NALCN: variants seen among roughly 807,000 people sequenced by gnomAD.
The protein encoded by NALCN is sodium leak channel, non-selective.
Under a neutral mutation model 225.3 loss-of-function variants are expected in NALCN, and 111 were observed. The ratio of observed to expected loss-of-function variants is 0.49; its 90% CI spans 0.42 to 0.58. The LOEUF is 0.58. Ranked by LOEUF, NALCN falls within the 20% of genes least tolerant of loss-of-function variation. NALCN has a pLI of 0.00. For missense variants in NALCN, 1,378 were observed against 2,202.4 expected (o/e 0.63, Z 7.49); for synonymous variants, 764 against 769.0 (o/e 0.99, Z 0.11).
intron 7 of NALCN, among the ~76,000 whole-genome samples, chr13:101,340,518 T>C (rs1263359471): frequency 1.3e-5 from 2 of 152,236 alleles, no homozygotes; most frequent in African/African-American, 4.8e-5. Context: ...TGTTCTACGC[T>C]ACACGTACTC....
At chr13:101,201,931 T>C (rs999581933) in intron 13 of NALCN, among the ~76,000 whole-genome samples, 14 of 152,202 alleles carry the variant, frequency 9.2e-5, no homozygotes, top group Admixed American at 5.9e-4. Flanking sequence ...TATATCTTAC[T>C]ATAAGACAGC....
chr13:101,302,041 A>C (rs1227222957), intron 7 of NALCN, among the ~76,000 whole-genome samples: 1 of 152,206 alleles, frequency 6.6e-6, no homozygotes, highest in East Asian at 1.9e-4. Flanking sequence ...GATTTATTGG[A>C]AGGAAATCTT....
intron 17 of NALCN, 71 bp downstream of exon 17, chr13:101,143,009 G>T (rs750111740): frequency 2.5e-6 from 4 of 1,575,786 alleles, no homozygotes; most frequent in Non-Finnish European, 3.5e-6. Flanking sequence ...GGACCCTAAA[G>T]AACTCTGCGG....
intron 2 of NALCN, among the ~76,000 whole-genome samples, chr13:101,395,886 T>C (rs2047277695): frequency 6.6e-6 from 1 of 152,186 alleles, no homozygotes; most frequent in South Asian, 2.1e-4. Context: ...TAAGAAATGC[T>C]TTTTAAATGA....
At chr13:101,142,735 A>G (rs1399620370) in intron 17 of NALCN, 1 of 308,962 alleles carries the variant, frequency 3.2e-6, no homozygotes, top group East Asian at 7.9e-5. Context: ...AGACATAAGC[A>G]GTTGTACTTG....
intron 14 of NALCN, among the ~76,000 whole-genome samples, chr13:101,189,844 A>G (rs1192351393): frequency 6.6e-6 from 1 of 152,206 alleles, no homozygotes; most frequent in African/African-American, 2.4e-5. Flanking sequence ...TTAAATCAGT[A>G]AGTGGAAAGA....
intron 6 of NALCN, among the ~76,000 whole-genome samples, chr13:101,352,401 A>T (rs979807658): frequency 2.0e-5 from 3 of 152,298 alleles, no homozygotes; most frequent in African/African-American, 7.2e-5. Flanking sequence ...AATAAATAGC[A>T]TAACATTCTG....
chr13:101,301,278 C>T (rs944461834), intron 7 of NALCN, among the ~76,000 whole-genome samples: 1 of 152,208 alleles, frequency 6.6e-6, no homozygotes, highest in African/African-American at 2.4e-5. Flanking sequence ...GCCCCCTGCG[C>T]TCGGCAATTT....
intron 10 of NALCN, among the ~76,000 whole-genome samples, chr13:101,274,326 T>C (rs1246712363): frequency 6.6e-6 from 1 of 152,214 alleles, no homozygotes; most frequent in Non-Finnish European, 1.5e-5. Context: ...ATTTTCACAG[T>C]AGGGTAATAC....
At chr13:101,073,216 G>A (rs2033018429) in intron 37 of NALCN, among the ~76,000 whole-genome samples, 1 of 152,110 alleles carries the variant, frequency 6.6e-6, no homozygotes, top group African/African-American at 2.4e-5. Context: ...CCTTGGAGTT[G>A]TTGAAGACCT....
At chr13:101,067,841 G>A in intron 39 of NALCN, 77 bp downstream of exon 39, 1 of 1,028,608 alleles carries the variant, frequency 9.7e-7, no homozygotes, top group Non-Finnish European at 1.5e-6. Flanking sequence ...TTGCCAACCT[G>A]AAAACCATTT....
At chr13:101,159,419 C>T (rs115429099) in intron 15 of NALCN, among the ~76,000 whole-genome samples, 93 of 152,264 alleles carry the variant, frequency 6.1e-4, no homozygotes, top group East Asian at 1.9e-3. Flanking sequence ...TCGCCCCCTC[C>T]GGGTGGTTAC....
chr13:101,354,795 G>A (rs2046001976), intron 6 of NALCN, among the ~76,000 whole-genome samples: 1 of 152,208 alleles, frequency 6.6e-6, no homozygotes, highest in Non-Finnish European at 1.5e-5. Flanking sequence ...GCTGGAGAGA[G>A]GCAATTTTTT....
intron 14 of NALCN, among the ~76,000 whole-genome samples, chr13:101,185,485 T>TGGG (rs1314210688): frequency 2.0e-5 from 3 of 152,184 alleles, no homozygotes. Flanking sequence ...TCTTTCAACT[T>TGGG]GTTAGGTCTT....
At chr13:101,100,607 C>T (rs1246381780) in intron 27 of NALCN, among the ~76,000 whole-genome samples, 177 bp downstream of exon 27, 1 of 152,122 alleles carries the variant, frequency 6.6e-6, no homozygotes, top group African/African-American at 2.4e-5. Context: ...AGGGACAGGG[C>T]TCTCGCTCTG....
rs189888060 is a variant in NALCN, at chr13:101,314,799, C to A, written c.800-22433G>T. 3.2e-4 allele frequency among the ~76,000 whole-genome samples: 49 copies of A among 152,308 alleles called. No individual in the cohort carries two copies. In the East Asian group the frequency reaches 8.3e-3, roughly 26 times the overall value. Reference sequence around the variant, plus strand: ...CATTAAAACCCAGCAGCAGCAGACTCCTGTACAAAGGCAGGTGAGCAAAGC... The same window carrying A: ...CATTAAAACCCAGCAGCAGCAGACTACTGTACAAAGGCAGGTGAGCAAAGC... On this transcript the variant is annotated intron_variant, in intron 7 of 43. Coordinates refer to ENST00000251127, the MANE Select transcript of NALCN (RefSeq NM_052867.4).
chr13:101,153,740 C>T (rs148406928), intron 15 of NALCN, among the ~76,000 whole-genome samples: 5 of 152,304 alleles, frequency 3.3e-5, no homozygotes, highest in East Asian at 1.9e-4. Flanking sequence ...ACTCCTGAAA[C>T]CTTCCTAACT....
intron 3 of NALCN, among the ~76,000 whole-genome samples, chr13:101,392,731 A>T (rs778574730): frequency 4.6e-5 from 7 of 152,192 alleles, no homozygotes; most frequent in Non-Finnish European, 7.4e-5. Context: ...ATCTTTCTTT[A>T]TTTGAATATG....
chr13:101,082,754 T>G (rs769681346), intron 33 of NALCN, 55 bp downstream of exon 33: 28 of 1,573,260 alleles, frequency 1.8e-5, no homozygotes, highest in Non-Finnish European at 2.3e-5. Context: ...GGGAGGCTGA[T>G]TTACTTTAAA....
Sources: allele counts gnomAD v4.1 joint callset (sites outside exome capture counted in the v4.1 genomes callset), GRCh38; gene constraint gnomAD v4.1.1; transcripts MANE v1.5; gene names NCBI Gene and HGNC (gene_info 2026-07-23, HGNC 2026-07-21).